Variants in BMPR2 observed in about 807,000 individuals in gnomAD.
The protein encoded by BMPR2 is bone morphogenetic protein receptor type-2.
Under a neutral mutation model 100.8 loss-of-function variants are expected in BMPR2, and 29 were observed. The observed-to-expected ratio is 0.29, with a 90% CI of 0.21 to 0.39. BMPR2 has a LOEUF of 0.39. BMPR2 is among the 10% of genes least tolerant of loss of function. BMPR2 has a pLI of 1.00. For synonymous variants in BMPR2, 382 were observed against 442.3 expected (o/e 0.86, Z 1.71); for missense variants, 1,011 against 1,274.5 (o/e 0.79, Z 3.15).
intron 1 of BMPR2, among the ~76,000 whole-genome samples, chr2:202,428,105 A>C (rs1691428945): frequency 6.6e-6 from 1 of 152,184 alleles, no homozygotes; most frequent in Non-Finnish European, 1.5e-5. Flanking sequence ...TCATTTTTTT[A>C]ATATACCCAA....
chr2:202,420,531 A>G (rs1691238003), intron 1 of BMPR2, among the ~76,000 whole-genome samples: 1 of 145,636 alleles, frequency 6.9e-6, no homozygotes. Context: ...CATCTGTAGA[A>G]GCATGATTTT....
rs1255979161 is a variant in BMPR2 at position 202,481,800 on chromosome 2, T to C, written c.418+14111T>C. On this transcript the variant is annotated intron_variant, in intron 3 of 12. Coordinates refer to ENST00000374580, the MANE Select transcript of BMPR2 (RefSeq NM_001204.7). ...AGTCAAGACAGCTGCATGTAGTGTATGTACGTTACAATAAATTATTTTGTA... is the reference window on the plus strand; with the variant it reads ...AGTCAAGACAGCTGCATGTAGTGTACGTACGTTACAATAAATTATTTTGTA... 2.0e-5 allele frequency among the ~76,000 whole-genome samples: 3 copies of C among 152,352 alleles called. No individual in the cohort carries two copies. In the South Asian group the frequency reaches 6.2e-4, roughly 32 times the overall value.
chr2:202,386,826 G>A (rs369486380), intron 1 of BMPR2, among the ~76,000 whole-genome samples: 3 of 152,074 alleles, frequency 2.0e-5, no homozygotes, highest in South Asian at 2.1e-4. Flanking sequence ...GATTACAGGC[G>A]CGTGCCACCA....
chr2:202,512,297 T>A (rs1354397706), intron 3 of BMPR2, among the ~76,000 whole-genome samples: 2 of 152,212 alleles, frequency 1.3e-5, no homozygotes, highest in Non-Finnish European at 2.9e-5. Context: ...TGAATAAAGA[T>A]GCTGGCAGTC....
intron 3 of BMPR2, among the ~76,000 whole-genome samples, chr2:202,482,083 T>C (rs755159294): frequency 4.6e-5 from 7 of 152,238 alleles, no homozygotes; most frequent in Non-Finnish European, 7.3e-5. Flanking sequence ...ATATCATATT[T>C]GTCTTTTTGC....
chr2:202,540,963 G>A (rs1293550339), intron 9 of BMPR2, among the ~76,000 whole-genome samples: 1 of 152,048 alleles, frequency 6.6e-6, no homozygotes, highest in African/African-American at 2.4e-5. Context: ...GTTGGTCCCA[G>A]GGGTCTTCTA....
intron 7 of BMPR2, among the ~76,000 whole-genome samples, chr2:202,524,699 C>T (rs544033740): frequency 1.3e-5 from 2 of 152,096 alleles, no homozygotes; most frequent in South Asian, 4.2e-4. Flanking sequence ...GCCAAGATCT[C>T]GCCACTGCAC....
At chr2:202,508,698 G>A (rs1220991609) in intron 3 of BMPR2, among the ~76,000 whole-genome samples, 1 of 152,132 alleles carries the variant, frequency 6.6e-6, no homozygotes, top group African/African-American at 2.4e-5. Flanking sequence ...GCTTAGTGAT[G>A]GGCATTTGGA....
chr2:202,539,906 G>A (rs954233276), intron 9 of BMPR2, among the ~76,000 whole-genome samples: 19 of 152,218 alleles, frequency 1.2e-4, no homozygotes, highest in African/African-American at 4.6e-4. Context: ...AACTTTCCTT[G>A]AGCAATCCAG....
intron 3 of BMPR2, among the ~76,000 whole-genome samples, chr2:202,510,822 A>G (rs2105999616): frequency 6.6e-6 from 1 of 152,058 alleles, no homozygotes. Flanking sequence ...CTGGGATTAC[A>G]GGCAAGCGCC....
intron 1 of BMPR2, among the ~76,000 whole-genome samples, chr2:202,424,449 G>C (rs1691341575): frequency 6.6e-6 from 1 of 151,182 alleles, no homozygotes; most frequent in Non-Finnish European, 1.5e-5. Context: ...TGTAATCCCA[G>C]CACTTTTGGA....
chr2:202,494,587 A>ATTACT (rs1409132514), intron 3 of BMPR2, among the ~76,000 whole-genome samples: 9 of 152,248 alleles, frequency 5.9e-5, no homozygotes, highest in Non-Finnish European at 2.9e-5. Flanking sequence ...ACAGGCATAC[A>ATTACT]TAGTAGTGTT....
At chr2:202,538,468 AAAG>A (rs1253347986) in intron 9 of BMPR2, among the ~76,000 whole-genome samples, 1 of 151,424 alleles carries the variant, frequency 6.6e-6, no homozygotes, top group East Asian at 1.9e-4. Context: ...TAAAGAAAAA[AAAG>A]AAGGAACTAT....
At chr2:202,534,381 G>A (rs1040362450) in intron 9 of BMPR2, among the ~76,000 whole-genome samples, 4 of 151,736 alleles carry the variant, frequency 2.6e-5, no homozygotes, top group Admixed American at 6.6e-5. Flanking sequence ...AAGGTCTCTG[G>A]TTTTCCTAGG....
intron 1 of BMPR2, among the ~76,000 whole-genome samples, chr2:202,390,000 C>CAA (rs59969821): frequency 7.6e-6 from 1 of 132,384 alleles, no homozygotes; most frequent in Non-Finnish European, 1.7e-5. Flanking sequence ...ATGAAGTATA[C>CAA]AAAAAAAAAA....
At chr2:202,384,065 G>C (rs1340037077) in intron 1 of BMPR2, among the ~76,000 whole-genome samples, 1 of 151,406 alleles carries the variant, frequency 6.6e-6, no homozygotes, top group Admixed American at 6.6e-5. Context: ...CCAGCTACTT[G>C]GGAGGCTGAG....
chr2:202,555,378 T>C lies in BMPR2; in HGVS notation c.1713T>C (p.Ser571=), dbSNP rs928457174. Residue 571 remains serine, a synonymous_variant, in exon 12 of 13, where the codon TCT becomes TCC. Transcript: ENST00000374580. ...TGAAGAATATTTCCTCTGAGCATTCTATGTCCAGCACACCTTTGACTATAG... is the reference window on the plus strand; with the variant it reads ...TGAAGAATATTTCCTCTGAGCATTCCATGTCCAGCACACCTTTGACTATAG... ...SIVKNISSEH[S]MSSTPLTIGE... 6.2e-7 allele frequency: 1 copy of C among 1,614,214 alleles called. No individual in the cohort carries two copies. Among genetic ancestry groups the C allele is most frequent in the Admixed American group, 1.7e-5 (1 of 60,012 alleles).
intron 1 of BMPR2, among the ~76,000 whole-genome samples, chr2:202,433,618 G>A (rs908826036): frequency 4.6e-5 from 7 of 150,640 alleles, no homozygotes; most frequent in Non-Finnish European, 8.8e-5. Flanking sequence ...TTTTAAAAAA[G>A]GACAGGACAG....
chr2:202,471,507 G>A (rs1372717871), intron 3 of BMPR2, among the ~76,000 whole-genome samples: 1 of 152,190 alleles, frequency 6.6e-6, no homozygotes, highest in Non-Finnish European at 1.5e-5. Context: ...GATACCTAGA[G>A]AAGGACACAT....
Sources: gnomAD v4.1 joint callset for allele counts (sites outside exome capture counted in the v4.1 genomes callset) on GRCh38, gnomAD v4.1.1 for gene constraint, MANE v1.5 for transcripts, NCBI Gene and HGNC (gene_info 2026-07-23, HGNC 2026-07-21) for gene names.